The following TRO variants were observed in gnomAD, a reference collection of about 807,000 sequenced individuals.
The protein encoded by TRO is trophinin, also known as MAGE superfamily protein.
TRO carries 29 observed loss-of-function variants against 42.3 expected under a neutral mutation model. That is an observed-to-expected ratio of 0.68 (90% CI 0.51 to 0.93). The LOEUF is 0.93. Ranked by LOEUF, TRO falls within the 40% of genes least tolerant of loss-of-function variation. TRO has a pLI of 0.00. For missense variants in TRO, 963 were observed against 1,127.7 expected, an observed-to-expected ratio of 0.85 and a Z score of 2.09; for synonymous variants, 384 against 425.2, an observed-to-expected ratio of 0.90 and a Z score of 1.19.
At position 54,924,918 on chromosome X, in the gene TRO, G is replaced by C. The variant is rs371618169; in HGVS notation, c.1406-71G>C. On this transcript the variant is annotated intron_variant, in intron 5 of 12. Coordinates refer to ENST00000173898, the MANE Select transcript of TRO (RefSeq NM_001039705.3). ...GGTCTCTGATTGCACTGACCCAACA[G>C]GACTGGCAAAAGGGCTGCAGCTCTG... 10 of 1,092,098 alleles carry C rather than the reference G, an allele frequency of 9.2e-6. No individual in the cohort carries two copies. In the African/African-American group the frequency reaches 1.8e-4, roughly 20 times the overall value. The allele number at this position is 1,092,098 out of a possible 1,213,427, so 90.0% of individuals were successfully genotyped here.
At chrX:54,925,504 G>C (rs1256680217) in intron 6 of TRO, 88 bp from the exon 7 acceptor site, 2 of 772,462 alleles carry the variant, frequency 2.6e-6, no homozygotes, top group Non-Finnish European at 3.8e-6. Flanking sequence ...GACCCCCTAA[G>C]TACACTGGGA....
At chrX:54,925,127 A>C (rs773313957) in intron 6 of TRO, 59 bp downstream of exon 6, 3 of 1,048,982 alleles carry the variant, frequency 2.9e-6, no homozygotes, top group Non-Finnish European at 4.0e-6. Flanking sequence ...GAGCAAAGAC[A>C]TACATGTCCC....
In TRO at chrX:54,923,516, C is replaced by T. The variant is rs781578376; in HGVS notation, c.984C>T (p.Asn328=). The change falls in exon 3 of 13, where the codon AAC becomes AAT. Residue 328 remains asparagine, a synonymous_variant. Coordinates refer to ENST00000173898, the MANE Select transcript of TRO (RefSeq NM_001039705.3). ...EAPLATQIVT[N]QALAATLRVK... is the part of the protein sequence containing the mutation. ...CACTTGCCACTCAGATAGTCACAAA[C>T]CAAGCCCTGGCAGCCACCCTGCGGG... The T allele has an allele frequency of 1.7e-6, 2 of 1,185,723 alleles. No individual in the cohort carries two copies. Among genetic ancestry groups the T allele is most frequent in the Non-Finnish European group, 2.3e-6 (2 of 881,900 alleles).
rs1256528487 is a variant in TRO, at chrX:54,923,675, G to C, written c.1143G>C (p.Gln381His). The C allele has an allele frequency of 3.3e-6, 4 of 1,210,345 alleles. No homozygotes were observed. In the African/African-American group the frequency reaches 7.0e-5, roughly 21 times the overall value. Residue 381 changes from glutamine to histidine, a missense_variant, in exon 3 of 13, where the codon CAG (glutamine) becomes CAC (histidine). Transcript: ENST00000173898. ...AQTNVSALETQVAAAVQALAD... is the reference protein window; with the variant it reads ...AQTNVSALETHVAAAVQALAD... ...CCAACGTAAGTGCCCTTGAGACTCA[G>C]GTTGCTGCTGCTGTCCAGGCCCTGG... is the stretch of plus-strand genomic sequence containing the variant.
intron 10 of TRO, 133 bp from the exon 11 acceptor site, chrX:54,927,534 T>C: frequency 2.1e-6 from 1 of 481,457 alleles, no homozygotes; most frequent in Non-Finnish European, 3.6e-6. Flanking sequence ...GTAGTGAGTC[T>C]GGGGCTGGAG....
rs759509544 is a variant in TRO, at chrX:54,928,585, T to A, written c.1879-18T>A. The A allele has an allele frequency of 2.6e-6, 3 of 1,138,442 alleles. No homozygotes were observed. Among genetic ancestry groups the A allele is most frequent in the East Asian group, 6.0e-5 (2 of 33,085 alleles). The allele number at this position is 1,138,442 out of a possible 1,213,427, so 93.8% of individuals were successfully genotyped here. ...TACTAGGGTTGTTTTCTTATTATGA[T>A]TATCATCCCCATTTCAGGTGCAGAA... On this transcript the variant is annotated intron_variant, in intron 11 of 12. Transcript: ENST00000173898.
rs773417144 is a variant in TRO, at chrX:54,931,277, G to A, written c.*85G>A. On this transcript the variant is annotated 3_prime_UTR_variant, in exon 13 of 13. Transcript: ENST00000173898. Reference sequence around the variant, plus strand: ...TCCCATGGAGCCAAAGTACATCCTTGGAATCTTTGTCCACACAGCAGTCAA... The same window carrying A: ...TCCCATGGAGCCAAAGTACATCCTTAGAATCTTTGTCCACACAGCAGTCAA... 8 of 1,212,036 alleles carry A rather than the reference G, an allele frequency of 6.6e-6. No homozygotes were observed. In the East Asian group the frequency reaches 1.8e-4, roughly 27 times the overall value.
chrX:54,927,851 A>G, intron 11 of TRO, 70 bp downstream of exon 11: 1 of 908,798 alleles, frequency 1.1e-6, no homozygotes, highest in Non-Finnish European at 1.6e-6. Flanking sequence ...CAGGCAATGC[A>G]CAGGGATGGG....
At position 54,929,318 on chromosome X, in the gene TRO, C is replaced by G. The variant is rs754924000; in HGVS notation, c.2594C>G (p.Thr865Ser). 33 of 1,211,215 alleles carry G rather than the reference C, an allele frequency of 2.7e-5. No homozygotes were observed. The highest frequency in any genetic ancestry group is 3.7e-5 in the Non-Finnish European group (33 of 895,437). Reference sequence around the variant, plus strand: ...GCTGGCTTTAGTGGTGTACTCAGCACTAGCACCAGCTTTGGCAGTGCACCC... The same window carrying G: ...GCTGGCTTTAGTGGTGTACTCAGCAGTAGCACCAGCTTTGGCAGTGCACCC... ...TTAGFSGVLS[T>S]STSFGSAPTT... is the part of the protein sequence containing the mutation. The change falls in exon 12 of 13, where the codon ACT becomes AGT. Residue 865 changes from threonine to serine, a missense_variant. By Grantham distance (58) the Thr-to-Ser change is moderately conservative. This residue lies in a region of TRO where 641 missense variants were observed against 811.3 expected (regional missense o/e 0.79). Coordinates refer to ENST00000173898, the MANE Select transcript of TRO (RefSeq NM_001039705.3).
chrX:54,922,409 C>T, intron 2 of TRO, 118 bp downstream of exon 2: 2 of 969,147 alleles, frequency 2.1e-6, no homozygotes, highest in Non-Finnish European at 2.8e-6. Context: ...TCTCAGTCCT[C>T]CCTTACATGG....
At chrX:54,926,519 C>A in intron 8 of TRO, 30 bp downstream of exon 8, 1 of 1,209,719 alleles carries the variant, frequency 8.3e-7, no homozygotes. Context: ...GCTGAATGGG[C>A]GGCCATGGTC....
In TRO at chrX:54,929,337, T is replaced by C. The variant is rs377450217; in HGVS notation, c.2613T>C (p.Ser871=). ...TCAGCACTAGCACCAGCTTTGGCAGTGCACCCACAACGAGCACAGTCTTCA... is the reference window on the plus strand; with the variant it reads ...TCAGCACTAGCACCAGCTTTGGCAGCGCACCCACAACGAGCACAGTCTTCA... ...GVLSTSTSFG[S]APTTSTVFSS... Residue 871 remains serine, a synonymous_variant, in exon 12 of 13, where the codon AGT becomes AGC. Coordinates refer to ENST00000173898, the MANE Select transcript of TRO (RefSeq NM_001039705.3). The C allele has an allele frequency of 2.5e-6, 3 of 1,212,492 alleles. No individual in the cohort carries two copies. Among genetic ancestry groups the C allele is most frequent in the Non-Finnish European group, 3.3e-6 (3 of 895,653 alleles).
rs755869220 is a variant in TRO at position 54,923,448 on chromosome X, G to C, written c.916G>C (p.Ala306Pro). Residue 306 changes from alanine to proline, a missense_variant, in exon 3 of 13, where the codon GCC (alanine) becomes CCC (proline). Physicochemically the swap from Ala to Pro is conservative, Grantham distance 27 (BLOSUM62 -1). This residue lies in a region of TRO where 322 missense variants were observed against 316.5 expected (regional missense o/e 1.02). Transcript: ENST00000173898. ...RPKKSKGKKA[A>P]SRGPNSVSEI... ...CAAAAAATCCAAGGGCAAGAAGGCT[G>C]CCAGCAGGGGCCCAAATTCTGTCTC... 8.4e-7 allele frequency: 1 copy of C among 1,189,582 alleles called. No homozygotes were observed. The highest frequency in any genetic ancestry group is 1.7e-5 in the African/African-American group (1 of 57,425).
At position 54,927,760 on chromosome X, in the gene TRO, A is replaced by C. The variant is rs1250268533; in HGVS notation, c.1857A>C (p.Lys619Asn). The C allele has an allele frequency of 8.3e-7, 1 of 1,209,004 alleles. No homozygotes were observed. The highest frequency in any genetic ancestry group is 1.1e-6 in the Non-Finnish European group (1 of 894,690). Residue 619 changes from lysine to asparagine, a missense_variant, in exon 11 of 13, where the codon AAA (lysine) becomes AAC (asparagine). Physicochemically the swap from Lys to Asn is moderately conservative, Grantham distance 94 (BLOSUM62 0). This residue lies in a region of TRO where 641 missense variants were observed against 811.3 expected (regional missense o/e 0.79). Transcript: ENST00000173898. ...CCTACCACGAGACTAGCAAGATGAA[A>C]GTCCTCAAGTTTGCATGCAGGGTAA... ...LRSYHETSKM[K>N]VLKFACRVQK...
Position 54,927,495 on chromosome X carries a change from T to C in TRO, c.1764-172T>C, listed in dbSNP as rs146972644. ...AGGGCCAGTGGGAAATGGCTCAGTA[T>C]TGGAGGCCAAGACCATAAACTGTGT... On this transcript the variant is annotated intron_variant, in intron 10 of 12. Coordinates refer to ENST00000173898, the MANE Select transcript of TRO (RefSeq NM_001039705.3). 6.8e-3 allele frequency: 3,040 copies of C among 448,626 alleles called. 79 individuals are homozygous for C. In the African/African-American group the frequency reaches 0.068, roughly 10 times the overall value. The allele number at this position is 448,626 out of a possible 1,213,427, so 37.0% of individuals were successfully genotyped here. A position where few individuals can be genotyped will look rare whatever the true frequency, so the allele number is the denominator to read the frequency against.
Position 54,928,340 on chromosome X carries a change from C to T in TRO, c.1879-263C>T, listed in dbSNP as rs183451512. On this transcript the variant is annotated intron_variant, in intron 11 of 12. Coordinates refer to ENST00000173898, the MANE Select transcript of TRO (RefSeq NM_001039705.3). ...CATACGAATTTGGGGGCGGGCACAA[C>T]CCTTCAGTTCATAACATATTTACGC... Among the ~76,000 whole-genome samples, 8 of 111,937 alleles carry T rather than the reference C, an allele frequency of 7.1e-5. 1 individual carries two copies. In the Admixed American group the frequency reaches 7.6e-4, roughly 11 times the overall value.
Position 54,927,796 on chromosome X carries a change from G to T in TRO, c.1878+15G>T. ...TTGCATGCAGGGTAAGAGGAGAGCT[G>T]CCCGAGCTTGGCATATTAAGGCAAT... On this transcript the variant is annotated intron_variant, in intron 11 of 12. Transcript: ENST00000173898. 8.4e-7 allele frequency: 1 copy of T among 1,189,812 alleles called. No homozygotes were observed. The highest frequency in any genetic ancestry group is 1.1e-6 in the Non-Finnish European group (1 of 878,490).
At position 54,925,055 on chromosome X, in the gene TRO, A is replaced by G. The variant is rs1490990068; in HGVS notation, c.1472A>G (p.Tyr491Cys). ...CCAGAAATCATTGAACGAGCAAGCT[A>G]CACTCTGGAGAAGGTGAAGGGGCAG... ...YFPEIIERAS[Y>C]TLEKMFRVNL... is the part of the protein sequence containing the mutation. Residue 491 changes from tyrosine (Y) to cysteine (C), a missense_variant, in exon 6 of 13, where the codon TAC becomes TGC. Physicochemically the swap from Tyr to Cys is radical, Grantham distance 194. Transcript: ENST00000173898. 1.7e-6 allele frequency: 2 copies of G among 1,211,317 alleles called. No individual in the cohort carries two copies. Among genetic ancestry groups the G allele is most frequent in the Admixed American group, 2.2e-5 (1 of 46,056 alleles).
Position 54,926,446 on chromosome X carries a change from G to A in TRO, c.1614G>A (p.Val538=). Residue 538 remains valine, a synonymous_variant, in exon 8 of 13, where the codon GTG becomes GTA. Coordinates refer to ENST00000173898, the MANE Select transcript of TRO (RefSeq NM_001039705.3). Reference sequence around the variant, plus strand: ...CACCCAAGCTGGGTCTCCTCATGGTGATTCTGAGTGTCATTTTTATGAATG... The same window carrying A: ...CACCCAAGCTGGGTCTCCTCATGGTAATTCTGAGTGTCATTTTTATGAATG... ...KDTPKLGLLM[V]ILSVIFMNGN... The A allele has an allele frequency of 8.2e-7, 1 of 1,212,247 alleles. No individual in the cohort carries two copies. The highest frequency in any genetic ancestry group is 1.1e-6 in the Non-Finnish European group (1 of 895,625).
Sources: gnomAD v4.1 joint callset for allele counts (sites outside exome capture counted in the v4.1 genomes callset) on GRCh38, gnomAD v4.1.1 for gene constraint, gnomAD v4.1.1 regional missense constraint, MANE v1.5 for transcripts, NCBI Gene and HGNC (gene_info 2026-07-23, HGNC 2026-07-21) for gene names.